The following GNA14 variants were observed in gnomAD, a reference collection of about 807,000 sequenced individuals.
GNA14 encodes the protein guanine nucleotide-binding protein subunit alpha-14.
A neutral mutation model predicts 42.0 loss-of-function variants in GNA14; 50 were observed. That is an observed-to-expected ratio of 1.19 (90% CI 0.95 to 1.51). The LOEUF (loss-of-function observed/expected upper bound fraction) is 1.51. Ranked by LOEUF, GNA14 falls within the 40% of genes most tolerant of loss-of-function variation. The probability of loss-of-function intolerance (pLI) is 0.00; values close to 1 mark genes in which losing one functional copy is unlikely to be tolerated. For synonymous variants in GNA14, 173 were observed against 163.1 expected (o/e 1.06, Z -0.46); for missense variants, 473 against 446.2 (o/e 1.06, Z -0.54).
intron 1 of GNA14, among the ~76,000 whole-genome samples, chr9:77,534,164 G>T (rs1451881998): frequency 1.3e-5 from 2 of 152,170 alleles, no homozygotes; most frequent in African/African-American, 4.8e-5. Context: ...AAAACATCCT[G>T]TCTATCACCA....
chr9:77,548,709 C>T (rs2131780336), intron 1 of GNA14, among the ~76,000 whole-genome samples: 1 of 152,316 alleles, frequency 6.6e-6, no homozygotes. Flanking sequence ...TTCTTTACAA[C>T]TTTTCCCCTC....
chr9:77,560,877 C>T (rs1822873034), intron 1 of GNA14, among the ~76,000 whole-genome samples: 1 of 152,016 alleles, frequency 6.6e-6, no homozygotes, highest in South Asian at 2.1e-4. Flanking sequence ...TTTATATTTT[C>T]ATCCAAACAA....
intron 1 of GNA14, among the ~76,000 whole-genome samples, chr9:77,540,199 T>A (rs1262474478): frequency 6.6e-6 from 1 of 152,166 alleles, no homozygotes; most frequent in Non-Finnish European, 1.5e-5. Flanking sequence ...AAAAATGTTT[T>A]AAATTTCCAT....
intron 1 of GNA14, among the ~76,000 whole-genome samples, chr9:77,629,274 G>C (rs749885413): frequency 9.2e-5 from 14 of 152,214 alleles, no homozygotes; most frequent in Non-Finnish European, 4.4e-5. Flanking sequence ...CTTTTACACT[G>C]TTGTTGGGAG....
Position 77,464,339 on chromosome 9 carries a change from GTGTGTGTGTATA to G in GNA14, c.310-29829_310-29818del, listed in dbSNP as rs1184839432. Among the ~76,000 whole-genome samples, 946 of 133,228 alleles carry G rather than the reference GTGTGTGTGTATA, an allele frequency of 7.1e-3. 9 individuals are homozygous for G. Among genetic ancestry groups the G allele is most frequent in the African/African-American group, 0.028 (873 of 31,442 alleles). 87.4% of individuals were successfully genotyped at this position (133,228 alleles called of 152,430 possible). On this transcript the variant is annotated intron_variant, in intron 2 of 6. Coordinates refer to ENST00000341700, the MANE Select transcript of GNA14 (RefSeq NM_004297.4). ...AGAGTGTGTGTATATATATGTGTGT[GTGTGTGTGTATA>G]TGTGTGTGTGTGTGTGTGTGTGTGT...
At chr9:77,475,241 C>T (rs969363114) in intron 2 of GNA14, among the ~76,000 whole-genome samples, 3 of 152,092 alleles carry the variant, frequency 2.0e-5, no homozygotes, top group African/African-American at 7.2e-5. Flanking sequence ...ACCCTCTTCT[C>T]CAGTGTGGCT....
At chr9:77,523,129 G>C (rs1837383557) in intron 2 of GNA14, among the ~76,000 whole-genome samples, 1 of 152,162 alleles carries the variant, frequency 6.6e-6, no homozygotes, top group African/African-American at 2.4e-5. Context: ...GGAGTGGAAT[G>C]GCAGGCAAAA....
chr9:77,443,904 C>T (rs1372108188), intron 2 of GNA14, among the ~76,000 whole-genome samples: 1 of 152,158 alleles, frequency 6.6e-6, no homozygotes, highest in African/African-American at 2.4e-5. Context: ...ATCATTTGAA[C>T]CCAGGTGTTG....
intron 1 of GNA14, among the ~76,000 whole-genome samples, chr9:77,637,636 C>T (rs746413165): frequency 1.3e-4 from 20 of 152,062 alleles, no homozygotes; most frequent in Non-Finnish European, 2.1e-4. Context: ...GTAGGAGGAT[C>T]GCTTGAGGCC....
intron 1 of GNA14, among the ~76,000 whole-genome samples, chr9:77,563,666 T>A (rs547975752): frequency 6.6e-6 from 1 of 152,262 alleles, no homozygotes; most frequent in Admixed American, 6.5e-5. Context: ...GGGCTGCTGT[T>A]TTTTTAAACA....
chr9:77,579,560 G>T (rs749596640), intron 1 of GNA14, among the ~76,000 whole-genome samples: 1 of 152,128 alleles, frequency 6.6e-6, no homozygotes, highest in East Asian at 1.9e-4. Flanking sequence ...CTTGATGTCT[G>T]CAAGTCCCTG....
chr9:77,563,834 C>T (rs538927169), intron 1 of GNA14, among the ~76,000 whole-genome samples: 1 of 152,172 alleles, frequency 6.6e-6, no homozygotes, highest in East Asian at 1.9e-4. Flanking sequence ...AGACAACTTC[C>T]TATGGAGCGC....
chr9:77,647,845 T>G lies in GNA14; in HGVS notation c.-52A>C. ...GGCGACGCGGCCCCGGGCACCCGAA[T>G]CCTCGGCCCGGCCGCTCACCCGGCC... On this transcript the variant is annotated 5_prime_UTR_variant, in exon 1 of 7. Coordinates refer to ENST00000341700, the MANE Select transcript of GNA14 (RefSeq NM_004297.4). The G allele has an allele frequency of 6.4e-7, 1 of 1,574,378 alleles. No individual in the cohort carries two copies. The highest frequency in any genetic ancestry group is 8.6e-7 in the Non-Finnish European group (1 of 1,165,370).
At chr9:77,573,809 C>T (rs527433382) in intron 1 of GNA14, among the ~76,000 whole-genome samples, 2 of 152,166 alleles carry the variant, frequency 1.3e-5, no homozygotes, top group East Asian at 3.9e-4. Context: ...GTTATTAGAC[C>T]AGAGGTTGGG....
chr9:77,429,441 G>A (rs897553088), intron 4 of GNA14, among the ~76,000 whole-genome samples: 13 of 152,284 alleles, frequency 8.5e-5, no homozygotes, highest in African/African-American at 2.6e-4. Context: ...TTCAGGACCC[G>A]AGCCTATTCT....
At chr9:77,458,909 G>GGC (rs71973555) in intron 2 of GNA14, among the ~76,000 whole-genome samples, 19,180 of 151,188 alleles carry the variant, frequency 0.13, 1,608 homozygotes, top group Non-Finnish European at 0.18. Context: ...GCTGGAGGGG[G>GGC]GGGGGTTGTC....
At chr9:77,487,341 G>C (rs1424861829) in intron 2 of GNA14, among the ~76,000 whole-genome samples, 4 of 152,076 alleles carry the variant, frequency 2.6e-5, no homozygotes, top group African/African-American at 9.7e-5. Flanking sequence ...ATGGAGAAGG[G>C]GAATTGCTGT....
intron 1 of GNA14, among the ~76,000 whole-genome samples, chr9:77,566,577 A>C (rs1462597077): frequency 1.3e-5 from 2 of 152,208 alleles, no homozygotes; most frequent in Non-Finnish European, 2.9e-5. Context: ...TCAACAGGAC[A>C]AGAGAATATT....
intron 2 of GNA14, among the ~76,000 whole-genome samples, chr9:77,504,145 G>A (rs1322910623): frequency 2.6e-5 from 4 of 152,122 alleles, no homozygotes; most frequent in Admixed American, 6.5e-5. Flanking sequence ...TTCCATCTCA[G>A]CAGTGAGAAT....
Sources: gnomAD v4.1 joint callset for allele counts (sites outside exome capture counted in the v4.1 genomes callset) on GRCh38, gnomAD v4.1.1 for gene constraint, MANE v1.5 for transcripts, NCBI Gene and HGNC (gene_info 2026-07-23, HGNC 2026-07-21) for gene names.